ADCY1: variants seen among roughly 807,000 people sequenced by gnomAD.
The protein encoded by ADCY1 is adenylate cyclase 1.
In ADCY1, 28 loss-of-function variants were observed where a neutral mutation model predicts 105.4. That is an observed-to-expected ratio of 0.27 (90% CI 0.20 to 0.36). The LOEUF is 0.36. Among genes scored for constraint, ADCY1 ranks in the 10% least tolerant of loss-of-function variants. ADCY1 has a pLI of 1.00. For synonymous variants in ADCY1, 655 were observed against 623.8 expected, an observed-to-expected ratio of 1.05 and a Z score of -0.75; for missense variants, 977 against 1,434.2, an observed-to-expected ratio of 0.68 and a Z score of 5.15.
intron 1 of ADCY1, among the ~76,000 whole-genome samples, chr7:45,589,932 C>G (rs1304476727): frequency 6.6e-6 from 1 of 152,014 alleles, no homozygotes; most frequent in East Asian, 1.9e-4. Flanking sequence ...TCAGATATCC[C>G]AAGGGCAGGT....
intron 8 of ADCY1, among the ~76,000 whole-genome samples, chr7:45,667,965 T>C (rs1562715940): frequency 6.6e-6 from 1 of 152,250 alleles, no homozygotes; most frequent in Non-Finnish European, 1.5e-5. Flanking sequence ...TTGTGATTTT[T>C]GCACATTGAT....
chr7:45,601,306 G>A (rs1199864113), intron 2 of ADCY1, among the ~76,000 whole-genome samples: 2 of 152,288 alleles, frequency 1.3e-5, no homozygotes, highest in African/African-American at 4.8e-5. Flanking sequence ...ATCCTGCCAG[G>A]TTCTCAGCTG....
intron 4 of ADCY1, among the ~76,000 whole-genome samples, chr7:45,643,458 A>G (rs1419817818): frequency 2.0e-5 from 3 of 152,180 alleles, no homozygotes; most frequent in Non-Finnish European, 2.9e-5. Flanking sequence ...ATTTTCAACA[A>G]TAAGTCTGCT....
chr7:45,592,890 G>A lies in ADCY1; in HGVS notation c.771G>A (p.Glu257=). Residue 257 remains glutamate, a synonymous_variant, in exon 2 of 20, where the codon GAG becomes GAA. Coordinates refer to ENST00000297323, the MANE Select transcript of ADCY1 (RefSeq NM_021116.4). ...RSCIEDRLRL[E]DENEKQERLL... ...GCATTGAGGACCGACTGAGGCTGGAGGATGAGAACGAGAAGCAGGTCAGTG... is the reference window on the plus strand; with the variant it reads ...GCATTGAGGACCGACTGAGGCTGGAAGATGAGAACGAGAAGCAGGTCAGTG... 1 of 1,614,216 alleles carries A rather than the reference G, an allele frequency of 6.2e-7. No individual in the cohort carries two copies. Among genetic ancestry groups the A allele is most frequent in the Non-Finnish European group, 8.5e-7 (1 of 1,180,036 alleles).
At chr7:45,643,047 A>T (rs992392212) in intron 4 of ADCY1, among the ~76,000 whole-genome samples, 2 of 144,122 alleles carry the variant, frequency 1.4e-5, no homozygotes. Flanking sequence ...CGTCTTTTTT[A>T]TTTTTGGTGT....
intron 14 of ADCY1, among the ~76,000 whole-genome samples, chr7:45,700,241 A>G (rs1018221893): frequency 6.6e-6 from 1 of 152,174 alleles, no homozygotes; most frequent in African/African-American, 2.4e-5. Context: ...CTCAGGATTC[A>G]TCCGTCCTTG....
chr7:45,610,676 AGG>A (rs1793511314), intron 3 of ADCY1, among the ~76,000 whole-genome samples, 179 bp downstream of exon 3: 1 of 38,774 alleles, frequency 2.6e-5, no homozygotes, highest in Non-Finnish European at 5.3e-5. Context: ...AGAAGGTGAT[AGG>A]TGGAGGCGAG....
chr7:45,712,895 C>G (rs114715498), intron 19 of ADCY1, among the ~76,000 whole-genome samples: 1,549 of 152,244 alleles, frequency 0.01, 28 homozygotes, highest in African/African-American at 0.035. Context: ...ATACTGGTTG[C>G]GAACCTGTCA....
At chr7:45,617,162 G>T (rs1275868036) in intron 3 of ADCY1, among the ~76,000 whole-genome samples, 1 of 152,252 alleles carries the variant, frequency 6.6e-6, no homozygotes, top group Non-Finnish European at 1.5e-5. Flanking sequence ...AGCAGTGCCA[G>T]TCCTAGGCAT....
chr7:45,657,919 G>GGGGC, intron 6 of ADCY1, 34 bp downstream of exon 6: 6 of 1,470,498 alleles, frequency 4.1e-6, no homozygotes, highest in East Asian at 4.8e-5. Flanking sequence ...GGGGAGGGAG[G>GGGGC]TGGGTGATGG....
intron 8 of ADCY1, among the ~76,000 whole-genome samples, chr7:45,664,008 A>G (rs1157954193): frequency 6.6e-6 from 1 of 152,042 alleles, no homozygotes; most frequent in Admixed American, 6.6e-5. Context: ...GAAAATTTCT[A>G]AGAGGAAACA....
intron 4 of ADCY1, among the ~76,000 whole-genome samples, chr7:45,623,018 C>T (rs1387045288): frequency 3.3e-5 from 5 of 152,222 alleles, no homozygotes; most frequent in African/African-American, 1.2e-4. Flanking sequence ...CTTTGTTGTG[C>T]AGGCCATACG....
At position 45,659,870 on chromosome 7, in the gene ADCY1, G is replaced by A. The variant is rs143576096; in HGVS notation, c.1308-172G>A. Among the ~76,000 whole-genome samples the A allele has an allele frequency of 3.8e-3, 586 of 152,244 alleles. 2 individuals are homozygous for A. Among genetic ancestry groups the A allele is most frequent in the Middle Eastern group, 6.8e-3 (2 of 294 alleles). On this transcript the variant is annotated intron_variant, in intron 6 of 19. Coordinates refer to ENST00000297323, the MANE Select transcript of ADCY1 (RefSeq NM_021116.4). ...CCTGATGGCCCTACTGTATCTGCCT[G>A]GGCCCTCCCTCCTGGCATGGACGGA...
intron 4 of ADCY1, among the ~76,000 whole-genome samples, chr7:45,637,030 C>T (rs1223532800): frequency 2.0e-5 from 3 of 152,106 alleles, no homozygotes; most frequent in Non-Finnish European, 2.9e-5. Flanking sequence ...TTTTCTTTGG[C>T]CATTTTGCTA....
Position 45,576,905 on chromosome 7 carries a change from G to T in ADCY1, c.639+1723G>T, listed in dbSNP as rs6977779. On this transcript the variant is annotated intron_variant, in intron 1 of 19. Coordinates refer to ENST00000297323, the MANE Select transcript of ADCY1 (RefSeq NM_021116.4). ...AGGGAGTCAGCTGGTGTAATAAAAGGCTGCGTTATTGTCTTTCTCTTTTAA... is the reference window on the plus strand; with the variant it reads ...AGGGAGTCAGCTGGTGTAATAAAAGTCTGCGTTATTGTCTTTCTCTTTTAA... Among the ~76,000 whole-genome samples the T allele has an allele frequency of 9.2e-5, 14 of 152,260 alleles. No homozygotes were observed. In the South Asian group the frequency reaches 1.7e-3, roughly 18 times the overall value.
intron 2 of ADCY1, among the ~76,000 whole-genome samples, chr7:45,596,895 C>T (rs1187374549): frequency 2.6e-5 from 4 of 152,124 alleles, no homozygotes; most frequent in Admixed American, 6.5e-5. Flanking sequence ...CAGGTAAGTG[C>T]GTGGAGGCAG....
chr7:45,702,337 C>T (rs1036031441), intron 14 of ADCY1, among the ~76,000 whole-genome samples: 1 of 152,232 alleles, frequency 6.6e-6, no homozygotes, highest in Non-Finnish European at 1.5e-5. Flanking sequence ...AAGGAAACCA[C>T]GGCACAGTGA....
intron 2 of ADCY1, among the ~76,000 whole-genome samples, chr7:45,594,346 T>A (rs1003554086): frequency 6.6e-6 from 1 of 152,170 alleles, no homozygotes; most frequent in African/African-American, 2.4e-5. Flanking sequence ...AGGAGAGATA[T>A]CTCCTTTGTG....
At chr7:45,650,789 G>C (rs1299084856) in intron 5 of ADCY1, among the ~76,000 whole-genome samples, 1 of 152,136 alleles carries the variant, frequency 6.6e-6, no homozygotes, top group Non-Finnish European at 1.5e-5. Context: ...ATGTTGATGG[G>C]TTATAAGCTG....
Sources: allele counts gnomAD v4.1 joint callset (sites outside exome capture counted in the v4.1 genomes callset), GRCh38; gene constraint gnomAD v4.1.1; transcripts MANE v1.5; gene names NCBI Gene and HGNC (gene_info 2026-07-23, HGNC 2026-07-21).